PKP2: variants seen among roughly 807,000 people sequenced by gnomAD.
PKP2 encodes the protein plakophilin 2, also known as plakophilin-2.
In PKP2, 73 loss-of-function variants were observed where a neutral mutation model predicts 83.4. That is an observed-to-expected ratio of 0.88 (90% CI 0.72 to 1.06). The LOEUF (loss-of-function observed/expected upper bound fraction) is 1.06, where lower values mean the gene tolerates loss of function less well. PKP2 is among the 50% of genes least tolerant of loss of function. PKP2 has a pLI of 0.00. For missense variants in PKP2, 966 were observed against 1,065.4 expected, an observed-to-expected ratio of 0.91 and a Z score of 1.30; for synonymous variants, 409 against 430.4, an observed-to-expected ratio of 0.95 and a Z score of 0.62.
chr12:32,884,911 C>T (rs1957017829), intron 1 of PKP2, among the ~76,000 whole-genome samples: 1 of 152,010 alleles, frequency 6.6e-6, no homozygotes, highest in South Asian at 2.1e-4. Context: ...TTCACCTGCA[C>T]AGTGCATAAT....
chr12:32,890,091 A>AG (rs1957065128), intron 1 of PKP2, among the ~76,000 whole-genome samples: 1 of 151,192 alleles, frequency 6.6e-6, no homozygotes, highest in Non-Finnish European at 1.5e-5. Flanking sequence ...AAAAAAAAAA[A>AG]AAAAAAGAAA....
At chr12:32,854,112 T>A (rs1305059671) in intron 4 of PKP2, among the ~76,000 whole-genome samples, 1 of 152,250 alleles carries the variant, frequency 6.6e-6, no homozygotes, top group Non-Finnish European at 1.5e-5. Context: ...ACTTAATTCA[T>A]AATTTATAAG....
At chr12:32,893,864 T>C (rs1192740650) in intron 1 of PKP2, 1 of 151,852 alleles carries the variant, frequency 6.6e-6, no homozygotes, top group African/African-American at 2.4e-5. Context: ...TTTTGAGATC[T>C]ACCTCCAGGA....
In PKP2 at chr12:32,792,419, T is replaced by C. The variant is rs1398323423; in HGVS notation, c.*5A>G. 1.2e-6 allele frequency: 2 copies of C among 1,609,962 alleles called. No homozygotes were observed. Among genetic ancestry groups the C allele is most frequent in the Non-Finnish European group, 1.7e-6 (2 of 1,176,252 alleles). ...TTTGCAGCCGAGAATACTTTGTCAT[T>C]TTCCTCAGTCTTTAAGGGAGTGGTA... On this transcript the variant is annotated 3_prime_UTR_variant, in exon 13 of 13. Transcript: ENST00000340811.
intron 6 of PKP2, among the ~76,000 whole-genome samples, chr12:32,838,701 T>G (rs976332042): frequency 6.6e-6 from 1 of 152,238 alleles, no homozygotes; most frequent in Non-Finnish European, 1.5e-5. Flanking sequence ...GCTGAAAACT[T>G]TGCTAAGTGT....
At chr12:32,855,963 AT>A (rs1009513470) in intron 4 of PKP2, among the ~76,000 whole-genome samples, 123 of 151,538 alleles carry the variant, frequency 8.1e-4, no homozygotes, top group African/African-American at 2.7e-3. Context: ...CGAAATAAAA[AT>A]TTTTTTTTGT....
chr12:32,844,258 A>G (rs1359379718), intron 5 of PKP2, among the ~76,000 whole-genome samples: 1 of 152,228 alleles, frequency 6.6e-6, no homozygotes, highest in African/African-American at 2.4e-5. Context: ...TGTTCAATAG[A>G]GATTCAGAAT....
chr12:32,861,062 T>C (rs568614853), intron 4 of PKP2, among the ~76,000 whole-genome samples: 9 of 131,348 alleles, frequency 6.9e-5, no homozygotes, highest in Non-Finnish European at 1.4e-4. Flanking sequence ...CAAAGCAGAA[T>C]TTGAAAGGAT....
chr12:32,822,020 T>C (rs1460818556), intron 8 of PKP2, among the ~76,000 whole-genome samples: 2 of 152,208 alleles, frequency 1.3e-5, no homozygotes, highest in African/African-American at 2.4e-5. Context: ...GAAATAAATA[T>C]GTATTCCTTC....
rs187693462 is a variant in PKP2, at chr12:32,857,419, A to G, written c.1171-6446T>C. 7.8e-3 allele frequency among the ~76,000 whole-genome samples: 1,181 copies of G among 150,850 alleles called. 9 individuals are homozygous for G. Among genetic ancestry groups the G allele is most frequent in the Non-Finnish European group, 0.012 (832 of 67,448 alleles). On this transcript the variant is annotated intron_variant, in intron 4 of 12. Coordinates refer to ENST00000340811, the MANE Select transcript of PKP2 (RefSeq NM_001005242.3). ...CCAGCCTGGGCAACAGAGTGAGAAC[A>G]TGTCTCAAAAAAAAAGAAAAAAGAG...
At chr12:32,828,508 C>T (rs1956464247) in intron 6 of PKP2, among the ~76,000 whole-genome samples, 1 of 152,180 alleles carries the variant, frequency 6.6e-6, no homozygotes, top group African/African-American at 2.4e-5. Flanking sequence ...TTATAAATAG[C>T]ATGATCTGTA....
At chr12:32,866,571 A>C (rs1010853524) in intron 4 of PKP2, among the ~76,000 whole-genome samples, 1 of 151,142 alleles carries the variant, frequency 6.6e-6, no homozygotes, top group South Asian at 2.1e-4. Flanking sequence ...AAAAAAAAAA[A>C]AAAAAAAAAG....
intron 4 of PKP2, 21 bp downstream of exon 4, chr12:32,868,906 T>C: frequency 1.9e-6 from 3 of 1,611,154 alleles, no homozygotes; most frequent in Non-Finnish European, 2.5e-6. Flanking sequence ...CGCTTTGCAA[T>C]GGACTGAAGA....
At chr12:32,813,313 T>G (rs1036666413) in intron 9 of PKP2, among the ~76,000 whole-genome samples, 7 of 152,166 alleles carry the variant, frequency 4.6e-5, no homozygotes, top group African/African-American at 1.7e-4. Flanking sequence ...TGGGAGAAAA[T>G]GTATAAACAT....
rs768451308 is a variant in PKP2 at position 32,878,030 on chromosome 12, T to C, written c.850A>G (p.Arg284Gly). 1 of 1,613,986 alleles carries C rather than the reference T, an allele frequency of 6.2e-7. No individual in the cohort carries two copies. The highest frequency in any genetic ancestry group is 2.2e-5 in the East Asian group (1 of 44,876). Reference protein sequence around the residue: ...LVPLQPVTQNRASRSSWHQSS... With the variant: ...LVPLQPVTQNGASRSSWHQSS... ...TGATGCCAGGAGGACCTGGAAGCCC[T>C]GTTCTGAGTGACGGGCTGCAGGGGC... The change falls in exon 3 of 13, where the codon AGG (arginine) becomes GGG (glycine). Residue 284 changes from arginine to glycine, a missense_variant. Transcript: ENST00000340811.
intron 3 of PKP2, among the ~76,000 whole-genome samples, chr12:32,875,492 G>C (rs1956923670): frequency 6.6e-6 from 1 of 152,166 alleles, no homozygotes; most frequent in African/African-American, 2.4e-5. Flanking sequence ...AGAAGAGGCT[G>C]AAGTGATAAG....
At chr12:32,871,525 G>T (rs1956896869) in intron 3 of PKP2, among the ~76,000 whole-genome samples, 1 of 151,888 alleles carries the variant, frequency 6.6e-6, no homozygotes, top group African/African-American at 2.4e-5. Flanking sequence ...GAGTGCAGTG[G>T]CACGATCTCG....
chr12:32,795,990 T>A, intron 11 of PKP2, 119 bp downstream of exon 11: 1 of 920,862 alleles, frequency 1.1e-6, no homozygotes, highest in Non-Finnish European at 1.8e-6. Flanking sequence ...TGGCTTTACA[T>A]CCTGTTTGCT....
rs758986464 is a variant in PKP2 at position 32,878,064 on chromosome 12, C to G, written c.816G>C (p.Arg272Ser). Residue 272 changes from arginine (R) to serine (S), a missense_variant, in exon 3 of 13, where the codon AGG becomes AGC. Transcript: ENST00000340811. ...TGACGGGCTGCAGGGGCACCAGCGG[C>G]CTGACCTGCCCGACAGTGAGCCCTG... ...LTAGLTVGQV[R>S]PLVPLQPVTQ... The G allele has an allele frequency of 6.2e-7, 1 of 1,614,028 alleles. No homozygotes were observed. Among genetic ancestry groups the G allele is most frequent in the South Asian group, 1.1e-5 (1 of 91,076 alleles).
Sources: allele counts gnomAD v4.1 joint callset (sites outside exome capture counted in the v4.1 genomes callset), GRCh38; gene constraint gnomAD v4.1.1; transcripts MANE v1.5; gene names NCBI Gene and HGNC (gene_info 2026-07-23, HGNC 2026-07-21).